Variants in HMCN2 observed in about 807,000 individuals in gnomAD.
HMCN2 encodes hemicentin-2.
A neutral mutation model predicts 377.5 loss-of-function variants in HMCN2; 325 were observed. The observed-to-expected ratio is 0.86, with a 90% CI of 0.79 to 0.94. The LOEUF (loss-of-function observed/expected upper bound fraction) is 0.94, where lower values mean the gene tolerates loss of function less well. HMCN2 is among the 40% of genes least tolerant of loss of function. The pLI, the probability that HMCN2 is intolerant of heterozygous loss-of-function variation, is 0.00. For missense variants in HMCN2, 4,543 were observed against 4,725.3 expected, an observed-to-expected ratio of 0.96 and a Z score of 1.13; for synonymous variants, 2,007 against 2,046.8, an observed-to-expected ratio of 0.98 and a Z score of 0.53.
chr9:130,277,164 C>A (rs7870172), intron 1 of HMCN2, among the ~76,000 whole-genome samples: 120,906 of 152,092 alleles, frequency 0.79, 48,410 homozygotes, highest in East Asian at 0.9. Flanking sequence ...GGCCCCACAC[C>A]CTCCTCTTGC....
At chr9:130,336,037 AG>A (rs1186680315) in intron 22 of HMCN2, among the ~76,000 whole-genome samples, 2 of 152,108 alleles carry the variant, frequency 1.3e-5, no homozygotes, top group Non-Finnish European at 2.9e-5. Flanking sequence ...TTGAGAGCAG[AG>A]GGTGTGAGCC....
intron 94 of HMCN2, 76 bp from the exon 95 acceptor site, chr9:130,430,208 C>A (rs566625773): frequency 1.7e-6 from 2 of 1,212,006 alleles, no homozygotes; most frequent in South Asian, 1.5e-5. Flanking sequence ...AGAGAGAAGG[C>A]AGGGCCAGGC....
chr9:130,433,343 C>G lies in HMCN2; in HGVS notation c.14895-5C>G. ...CGCCTGTCCGTGTGTCTGTGCCGCC[C>G]GCAGGACGTGCTTCCGGCGCTGCTC... is the stretch of plus-strand genomic sequence containing the variant. On this transcript the variant is annotated splice_region_variant and splice_polypyrimidine_tract_variant and intron_variant, in intron 97 of 97. Coordinates refer to ENST00000683500, the MANE Select transcript of HMCN2 (RefSeq NM_001291815.2). 6.9e-7 allele frequency: 1 copy of G among 1,440,772 alleles called. No individual in the cohort carries two copies. The highest frequency in any genetic ancestry group is 9.0e-7 in the Non-Finnish European group (1 of 1,105,054). 89.2% of individuals were successfully genotyped at this position (1,440,772 alleles called of 1,614,324 possible). A position where few individuals can be genotyped will look rare whatever the true frequency, so the allele number is the denominator to read the frequency against.
At chr9:130,390,918 C>T (rs1227957942) in intron 62 of HMCN2, 59 bp from the exon 63 acceptor site, 41 of 980,584 alleles carry the variant, frequency 4.2e-5, no homozygotes, top group Non-Finnish European at 4.7e-5. Flanking sequence ...CTGTGGGGCT[C>T]AGTTTCCTAT....
chr9:130,293,916 G>A lies in HMCN2; in HGVS notation c.613-939G>A, dbSNP rs149107257. 6.7e-3 allele frequency among the ~76,000 whole-genome samples: 1,014 copies of A among 152,224 alleles called. 7 individuals carry two copies. The highest frequency in any genetic ancestry group is 0.011 in the Non-Finnish European group (778 of 68,008). ...TCTTCAAGCAGCGAGCTGAAGTATA[G>A]CAAGGAGATGGTCGATGAGGAGGCA... On this transcript the variant is annotated intron_variant, in intron 4 of 97. Coordinates refer to ENST00000683500, the MANE Select transcript of HMCN2 (RefSeq NM_001291815.2).
At chr9:130,267,470 A>ACG (rs1834176820) in intron 1 of HMCN2, among the ~76,000 whole-genome samples, 1 of 139,456 alleles carries the variant, frequency 7.2e-6, no homozygotes. Context: ...ACACACACAC[A>ACG]CACACACGCA....
At position 130,303,086 on chromosome 9, in the gene HMCN2, G is replaced by A; in HGVS notation, c.1421+85G>A. On this transcript the variant is annotated intron_variant, in intron 9 of 97. Transcript: ENST00000683500. The surrounding 1 kb of genome is among the most constrained non-coding windows in gnomAD (Gnocchi z 5.2). ...TGGAGGGATCTCAGGGGAGTGGGTG[G>A]CAGGAGAGAGACCTTGGTCTCTGTC... is the stretch of plus-strand genomic sequence containing the variant. 1 of 367,006 alleles carries A rather than the reference G, an allele frequency of 2.7e-6. No individual in the cohort carries two copies. Among genetic ancestry groups the A allele is most frequent in the Non-Finnish European group, 5.8e-6 (1 of 173,806 alleles). 22.7% of individuals were successfully genotyped at this position (367,006 alleles called of 1,614,324 possible). A position where few individuals can be genotyped will look rare whatever the true frequency, so the allele number is the denominator to read the frequency against.
Position 130,365,983 on chromosome 9 carries a change from T to A in HMCN2, c.6613T>A (p.Trp2205Arg), listed in dbSNP as rs1004674211. 28 of 985,886 alleles carry A rather than the reference T, an allele frequency of 2.8e-5. No homozygotes were observed. The highest frequency in any genetic ancestry group is 3.1e-5 in the Non-Finnish European group (26 of 830,056). The allele number at this position is 985,886 out of a possible 1,614,324, so 61.1% of individuals were successfully genotyped here. A position where few individuals can be genotyped will look rare whatever the true frequency, so the allele number is the denominator to read the frequency against. Residue 2205 changes from tryptophan (W) to arginine (R), a missense_variant, in exon 43 of 98, where the codon TGG becomes AGG. By Grantham distance (101) the Trp-to-Arg change is moderately radical. Around this residue, in one of 5 missense-constraint regions of HMCN2, gnomAD observed 1,032 missense variants for 1,285.1 expected, o/e 0.80. Coordinates refer to ENST00000683500, the MANE Select transcript of HMCN2 (RefSeq NM_001291815.2). The part of the protein sequence containing the change: ...CRGVPFPKIS[W>R]RKDGQPLPGE... ...GGGTGTCCCCTTCCCCAAGATCTCC[T>A]GGAGGAAGGACGGTAGGATTGCTGC... is the stretch of plus-strand genomic sequence containing the variant.
At position 130,384,716 on chromosome 9, in the gene HMCN2, G is replaced by A. The variant is rs1329105265; in HGVS notation, c.9024G>A (p.Arg3008=). The A allele has an allele frequency of 1.9e-5, 25 of 1,302,504 alleles. No individual in the cohort carries two copies. Among genetic ancestry groups the A allele is most frequent in the Non-Finnish European group, 2.4e-5 (24 of 988,924 alleles). 80.7% of individuals were successfully genotyped at this position (1,302,504 alleles called of 1,614,324 possible). A position where few individuals can be genotyped will look rare whatever the true frequency, so the allele number is the denominator to read the frequency against. ...ACACGCTGCAGCTGGGGAGAGCACG[G>A]CTGTCGGACTCCGGGATGTACACAT... ...GTHTLQLGRA[R]LSDSGMYTCE... is the part of the protein sequence containing the mutation. The change falls in exon 59 of 98, where the codon CGG becomes CGA. Residue 3008 remains arginine, a synonymous_variant. Coordinates refer to ENST00000683500, the MANE Select transcript of HMCN2 (RefSeq NM_001291815.2).
At chr9:130,384,919 C>A in intron 59 of HMCN2, 121 bp downstream of exon 59, 1 of 576,306 alleles carries the variant, frequency 1.7e-6, no homozygotes, top group Non-Finnish European at 2.8e-6. Flanking sequence ...GGCTGGGACG[C>A]CCGCACAGAT....
chr9:130,353,660 G>T (rs1051005585), intron 31 of HMCN2, among the ~76,000 whole-genome samples: 1 of 152,208 alleles, frequency 6.6e-6, no homozygotes, highest in Non-Finnish European at 1.5e-5. Flanking sequence ...TGAAGCTCTG[G>T]AGCAGAGAGG....
At chr9:130,346,381 C>T (rs1839392687) in intron 25 of HMCN2, among the ~76,000 whole-genome samples, 1 of 152,112 alleles carries the variant, frequency 6.6e-6, no homozygotes, top group African/African-American at 2.4e-5. Context: ...GTTTCTGGCA[C>T]ACCTACTGTG....
At chr9:130,386,365 G>A in intron 60 of HMCN2, 78 bp from the exon 61 acceptor site, 4 of 884,560 alleles carry the variant, frequency 4.5e-6, no homozygotes, top group East Asian at 6.5e-5. Context: ...AGTTTTGGGG[G>A]CCTAGATGCT....
In HMCN2 at chr9:130,304,365, A is replaced by G. The variant is rs1011507519; in HGVS notation, c.1544-365A>G. 5.9e-5 allele frequency among the ~76,000 whole-genome samples: 9 copies of G among 151,822 alleles called. No individual in the cohort carries two copies. The highest frequency in any genetic ancestry group is 6.8e-3 in the Middle Eastern group (2 of 294). Reference sequence around the variant, plus strand: ...TACAGAGAATCGTTTTGAACACATTACTCTCTTCCTCTGGCTGGAGACTTC... The same window carrying G: ...TACAGAGAATCGTTTTGAACACATTGCTCTCTTCCTCTGGCTGGAGACTTC... On this transcript the variant is annotated intron_variant, in intron 10 of 97. Coordinates refer to ENST00000683500, the MANE Select transcript of HMCN2 (RefSeq NM_001291815.2). The surrounding 1 kb of genome is among the most constrained non-coding windows in gnomAD (Gnocchi z 4.3).
intron 94 of HMCN2, 67 bp downstream of exon 94, chr9:130,429,752 C>A: frequency 7.7e-7 from 1 of 1,298,320 alleles, no homozygotes; most frequent in Non-Finnish European, 1.0e-6. Context: ...ATGCAGGGCC[C>A]CAGCCTGCCC....
intron 86 of HMCN2, among the ~76,000 whole-genome samples, chr9:130,420,023 G>A (rs946805524): frequency 8.6e-5 from 13 of 150,976 alleles, no homozygotes; most frequent in African/African-American, 3.2e-4. Context: ...TTAGCCTTGG[G>A]TCTAAGCAGA....
intron 26 of HMCN2, among the ~76,000 whole-genome samples, chr9:130,348,297 C>T (rs1054360006): frequency 6.6e-6 from 1 of 152,250 alleles, no homozygotes; most frequent in Non-Finnish European, 1.5e-5. Context: ...GACTCCAGCA[C>T]CTTGCAAAGC....
At chr9:130,339,564 G>T (rs1297575253) in intron 23 of HMCN2, among the ~76,000 whole-genome samples, 10 of 152,322 alleles carry the variant, frequency 6.6e-5, no homozygotes, top group Admixed American at 2.0e-4. Context: ...CTGCTGACTG[G>T]CTGTGTGACC....
chr9:130,370,657 G>A (rs774381899), intron 45 of HMCN2, among the ~76,000 whole-genome samples: 2 of 152,222 alleles, frequency 1.3e-5, no homozygotes, highest in African/African-American at 2.4e-5. Context: ...CTGGCTCAGC[G>A]CTTGCTCTGC....
Sources: gnomAD v4.1 joint callset for allele counts (sites outside exome capture counted in the v4.1 genomes callset) on GRCh38, gnomAD v4.1.1 for gene constraint, gnomAD v4.1.1 regional missense constraint, Gnocchi (gnomAD v3.1) non-coding constraint, MANE v1.5 for transcripts, NCBI Gene and HGNC (gene_info 2026-07-23, HGNC 2026-07-21) for gene names.